Variants in AMZ1 observed in about 807,000 individuals in gnomAD.
AMZ1 encodes archaemetzincin-1.
In AMZ1, 39 loss-of-function variants were observed where a neutral mutation model predicts 29.9. That is an observed-to-expected ratio of 1.30 (90% confidence interval 1.01 to 1.70). The LOEUF is 1.70. AMZ1 is among the 40% of genes most tolerant of loss of function. AMZ1 has a pLI of 0.00. For synonymous variants in AMZ1, 458 were observed against 304.0 expected (o/e 1.51, Z -5.27); for missense variants, 1,041 against 680.6 (o/e 1.53, Z -5.89).
chr7:2,709,288 C>T, intron 5 of AMZ1, 44 bp downstream of exon 5: 5 of 1,465,202 alleles, frequency 3.4e-6, no homozygotes, highest in Non-Finnish European at 4.5e-6. Context: ...CAGGAGGGTG[C>T]TGTCTGAGCC....
Position 2,717,027 on chromosome 7 carries a change from C to T in AMZ1, c.*4149C>T, listed in dbSNP as rs537842243. On this transcript the variant is annotated 3_prime_UTR_variant, in exon 7 of 7. Coordinates refer to ENST00000683327, the MANE Select transcript of AMZ1 (RefSeq NM_001384743.1). ...GGAAGAGAGTAAGAAGGCGCACGGA[C>T]GCGGGAGGCCTGCACCCTGATCCCT... Among the ~76,000 whole-genome samples the T allele has an allele frequency of 5.9e-5, 9 of 152,324 alleles. No homozygotes were observed. Among genetic ancestry groups the T allele is most frequent in the East Asian group, 1.9e-4 (1 of 5,180 alleles).
intron 4 of AMZ1, among the ~76,000 whole-genome samples, chr7:2,726,132 A>G (rs1472474003): frequency 6.6e-6 from 1 of 152,230 alleles, no homozygotes; most frequent in Non-Finnish European, 1.5e-5. Context: ...CATGTGATGC[A>G]CCTTACAGAG....
rs1169647758 is a variant in AMZ1, at chr7:2,697,007, C to T, written c.-218-3227C>T. Among the ~76,000 whole-genome samples the T allele has an allele frequency of 3.3e-5, 5 of 152,184 alleles. 1 individual carries two copies. The highest frequency in any genetic ancestry group is 7.2e-5 in the African/African-American group (3 of 41,426). ...TCAAACATCCACATGTGGAATTTTC[C>T]CTTCTAGGAGTCCATCTTGAGGAGA... On this transcript the variant is annotated intron_variant, in intron 1 of 6. Coordinates refer to ENST00000683327, the MANE Select transcript of AMZ1 (RefSeq NM_001384743.1).
rs1012511949 is a variant in AMZ1, at chr7:2,712,972, G to T, written c.*94G>T. The T allele has an allele frequency of 2.2e-6, 3 of 1,339,708 alleles. No individual in the cohort carries two copies. The highest frequency in any genetic ancestry group is 2.9e-6 in the Non-Finnish European group (3 of 1,027,550). 83.0% of individuals were successfully genotyped at this position (1,339,708 alleles called of 1,614,324 possible). On this transcript the variant is annotated 3_prime_UTR_variant, in exon 7 of 7. Transcript: ENST00000683327. Reference sequence around the variant, plus strand: ...ACTACTGACCTGCCAGGGATAAAGAGGAAGGGTCTGCCTGGGTGGTGGCTC... The same window carrying T: ...ACTACTGACCTGCCAGGGATAAAGATGAAGGGTCTGCCTGGGTGGTGGCTC...
chr7:2,703,399 C>T (rs976930589), intron 3 of AMZ1, among the ~76,000 whole-genome samples: 1 of 152,142 alleles, frequency 6.6e-6, no homozygotes, highest in Non-Finnish European at 1.5e-5. Flanking sequence ...CCTCAGCCTC[C>T]CAAAGTGCTG....
intron 1 of AMZ1, among the ~76,000 whole-genome samples, chr7:2,680,212 G>A (rs893380988): frequency 6.6e-6 from 1 of 152,140 alleles, no homozygotes; most frequent in East Asian, 1.9e-4. Flanking sequence ...GTGGTTTCCT[G>A]GGATGGGAGG....
rs56665368 is a variant in AMZ1, at chr7:2,696,338, G to C, written c.-218-3896G>C. 1.3e-4 allele frequency among the ~76,000 whole-genome samples: 19 copies of C among 146,422 alleles called. No individual in the cohort carries two copies. The East Asian group carries it at 3.0e-3, about 23-fold the overall frequency. ...GTGGTGCGATCTTGGCTCACTGCAA[G>C]CTCCGCCTCCCAGGTTCACGCCATT... On this transcript the variant is annotated intron_variant, in intron 1 of 6. Transcript: ENST00000683327.
At chr7:2,721,541 CCT>C (rs751580474), downstream of AMZ1, among the ~76,000 whole-genome samples, 8 of 152,026 alleles carry the variant, frequency 5.3e-5, no homozygotes, top group Non-Finnish European at 1.0e-4. Flanking sequence ...ACGGTGAAGC[CCT>C]GTCTCTACTA....
intron 4 of AMZ1, among the ~76,000 whole-genome samples, chr7:2,753,294 T>C (rs971811638): frequency 3.9e-5 from 6 of 152,120 alleles, no homozygotes; most frequent in Non-Finnish European, 8.8e-5. Context: ...GCTGGGACTA[T>C]AGGTGCATGC....
At chr7:2,699,449 C>T (rs1403655688) in intron 1 of AMZ1, among the ~76,000 whole-genome samples, 4 of 152,216 alleles carry the variant, frequency 2.6e-5, no homozygotes, top group African/African-American at 9.7e-5. Context: ...GCACAAACGC[C>T]TGCCCTGACT....
At chr7:2,708,169 G>C (rs954496984) in intron 3 of AMZ1, among the ~76,000 whole-genome samples, 1 of 152,156 alleles carries the variant, frequency 6.6e-6, no homozygotes, top group Non-Finnish European at 1.5e-5. Flanking sequence ...GGCTGCTGCA[G>C]AAAAACGCCT....
intron 4 of AMZ1, among the ~76,000 whole-genome samples, chr7:2,739,748 A>C (rs1041551727): frequency 1.2e-4 from 18 of 152,156 alleles, no homozygotes; most frequent in Non-Finnish European, 2.9e-5. Context: ...ATCTTGGCTC[A>C]CCGCAACCTC....
At chr7:2,763,091 G>C (rs1791645672), upstream of AMZ1, 2 of 1,249,632 alleles carry the variant, frequency 1.6e-6, no homozygotes, top group Non-Finnish European at 2.0e-6. Context: ...TTGAGTGAGA[G>C]ACCACAAGCA....
chr7:2,698,926 A>G (rs1012165750), intron 1 of AMZ1, among the ~76,000 whole-genome samples: 1 of 152,188 alleles, frequency 6.6e-6, no homozygotes, highest in Non-Finnish European at 1.5e-5. Flanking sequence ...TAGGACTGGC[A>G]GGTCTTGCAA....
upstream of AMZ1, among the ~76,000 whole-genome samples, chr7:2,763,779 G>A (rs966103915): frequency 2.0e-5 from 3 of 152,086 alleles, no homozygotes; most frequent in Non-Finnish European, 4.4e-5. Flanking sequence ...TTTTCCTGTC[G>A]CCTGGAACAA....
upstream of AMZ1, among the ~76,000 whole-genome samples, chr7:2,760,030 T>G (rs1791483987): frequency 6.6e-6 from 1 of 152,204 alleles, no homozygotes; most frequent in Admixed American, 6.5e-5. Context: ...TAAAAGTATT[T>G]TTTAAAATAT....
downstream of AMZ1, among the ~76,000 whole-genome samples, chr7:2,720,058 T>C (rs996766112): frequency 2.0e-5 from 3 of 152,228 alleles, no homozygotes; most frequent in African/African-American, 4.8e-5. Flanking sequence ...AATGTGTCTG[T>C]TGAATTCGAT....
intron 6 of AMZ1, among the ~76,000 whole-genome samples, chr7:2,711,776 G>A (rs1442268360): frequency 6.6e-6 from 1 of 151,564 alleles, no homozygotes; most frequent in Non-Finnish European, 1.5e-5. Context: ...GGGTGCCGTG[G>A]CTCACACCTG....
At chr7:2,757,296 G>C (rs935961490) in intron 4 of AMZ1, among the ~76,000 whole-genome samples, 2 of 151,578 alleles carry the variant, frequency 1.3e-5, no homozygotes, top group African/African-American at 4.9e-5. Flanking sequence ...CACCATGCCC[G>C]GCTAATTTTT....
Sources: gnomAD v4.1 joint callset for allele counts (sites outside exome capture counted in the v4.1 genomes callset) on GRCh38, gnomAD v4.1.1 for gene constraint, MANE v1.5 for transcripts, NCBI Gene and HGNC (gene_info 2026-07-23, HGNC 2026-07-21) for gene names.